Variants in OR11H2 observed in about 807,000 individuals in gnomAD.
The protein encoded by OR11H2 is olfactory receptor family 11 subfamily H member 2, also known as olfactory receptor 11H2.
For synonymous variants in OR11H2, 35 were observed against 135.6 expected, an observed-to-expected ratio of 0.26 and a Z score of 5.15; for missense variants, 82 against 370.0, an observed-to-expected ratio of 0.22 and a Z score of 6.39.
rs1275784128 is a variant in OR11H2, at chr14:19,713,388, G to C, written c.496C>G (p.Leu166Val). 3 of 1,609,964 alleles carry C rather than the reference G, an allele frequency of 1.9e-6. No homozygotes were observed. Among genetic ancestry groups the C allele is most frequent in the Non-Finnish European group, 2.5e-6 (3 of 1,179,750 alleles). Residue 166 changes from leucine to valine, a missense_variant, in exon 1 of 1, where the codon CTC becomes GTC. Transcript: ENST00000556246. ...CCACAGAAGGGCTTCTGAGAGATGA[G>C]AACAATGGGGATCAGGAACCACAGA... The part of the protein sequence containing the change: ...GFLWFLIPIV[L>V]ISQKPFCGPN...
chr14:19,713,290 T>A lies in OR11H2; in HGVS notation c.594A>T (p.Arg198Ser), dbSNP rs1426308287. 6.2e-7 allele frequency: 1 copy of A among 1,611,014 alleles called. No homozygotes were observed. The highest frequency in any genetic ancestry group is 1.1e-5 in the South Asian group (1 of 90,986). ...TTAGAGTGTAGCAAAACAGTTGGAT[T>A]CTTGGGGCAGAAACACAATCCAATG... ...LFALDCVSAP[R>S]IQLFCYTLSS... Residue 198 changes from arginine to serine, a missense_variant, in exon 1 of 1, where the codon AGA becomes AGT. By Grantham distance (110) the Arg-to-Ser change is moderately radical. Transcript: ENST00000556246.
rs181643844 is a variant in OR11H2 at position 19,713,120 on chromosome 14, C to A, written c.764G>T (p.Cys255Phe). The A allele has an allele frequency of 1.8e-4, 262 of 1,478,292 alleles. 14 individuals are homozygous for A. In the African/African-American group the frequency reaches 3.4e-3, roughly 19 times the overall value. 91.6% of individuals were successfully genotyped at this position (1,478,292 alleles called of 1,614,324 possible). A position where few individuals can be genotyped will look rare whatever the true frequency, so the allele number is the denominator to read the frequency against. ...ATACATGACCATAAGAGGGCTATAG[C>A]ACAGTGATACCACAGCCAAATGAGA... ...CGSHLAVVSL[C>F]YSPLMVMYVS... The change falls in exon 1 of 1, where the codon TGC becomes TTC. Residue 255 changes from cysteine (C) to phenylalanine (F), a missense_variant. By Grantham distance (205) the Cys-to-Phe change is radical. Coordinates refer to ENST00000556246, the MANE Select transcript of OR11H2 (RefSeq NM_001197287.2).
rs199753109 is a variant in OR11H2, at chr14:19,713,267, A to G, written c.617T>C (p.Leu206Pro). 2.1e-3 allele frequency: 3,357 copies of G among 1,609,658 alleles called. 1 individual carries two copies. The African/African-American group carries it at 0.031, about 15-fold the overall frequency. ...GTTACCAAAAATAACTAATGAGCTT[A>G]GAGTGTAGCAAAACAGTTGGATTCT... Reference protein sequence around the residue: ...APRIQLFCYTLSSLVIFGNFL... With the variant: ...APRIQLFCYTPSSLVIFGNFL... The change falls in exon 1 of 1, where the codon CTA becomes CCA. Residue 206 changes from leucine (L) to proline (P), a missense_variant. Transcript: ENST00000556246.
Position 19,713,071 on chromosome 14 carries a change from A to G in OR11H2, c.813T>C (p.Ser271=), listed in dbSNP as rs1431225136. The G allele has an allele frequency of 1.3e-6, 2 of 1,534,486 alleles. No homozygotes were observed. The highest frequency in any genetic ancestry group is 4.5e-5 in the East Asian group (2 of 44,030). The part of the protein sequence containing the change: ...VMYVSPGLGH[S]TGMQKIETLF... ...AAGTTTCAATTTTCTGCATCCCTGT[A>G]GAATGTCCGAGTCCTGGGCTCACAT... Residue 271 remains serine, a synonymous_variant, in exon 1 of 1, where the codon TCT becomes TCC. Transcript: ENST00000556246.
In OR11H2 at chr14:19,713,404, G is replaced by C. The variant is rs765130362; in HGVS notation, c.480C>G (p.Phe160Leu). 1.9e-6 allele frequency: 3 copies of C among 1,610,080 alleles called. No individual in the cohort carries two copies. Among genetic ancestry groups the C allele is most frequent in the African/African-American group, 2.7e-5 (2 of 74,064 alleles). ...ILCWVCGFLW[F>L]LIPIVLISQK... ...GAGAGATGAGAACAATGGGGATCAGGAACCACAGAAATCCACAAACCCAGC... is the reference window on the plus strand; with the variant it reads ...GAGAGATGAGAACAATGGGGATCAGCAACCACAGAAATCCACAAACCCAGC... The change falls in exon 1 of 1, where the codon TTC (phenylalanine) becomes TTG (leucine). Residue 160 changes from phenylalanine (F) to leucine (L), a missense_variant. By Grantham distance (22) the Phe-to-Leu change is conservative (BLOSUM62 0). Transcript: ENST00000556246.
rs760175410 is a variant in OR11H2, at chr14:19,713,424, C to T, written c.460G>A (p.Val154Ile). 135 of 1,608,808 alleles carry T rather than the reference C, an allele frequency of 8.4e-5. No individual in the cohort carries two copies. In the African/African-American group the frequency reaches 1.5e-3, roughly 18 times the overall value. ...LYAKLVILCW[V>I]CGFLWFLIPI... ...ATCAGGAACCACAGAAATCCACAAA[C>T]CCAGCACAGTATGACCAGTTTGGCA... The change falls in exon 1 of 1, where the codon GTT becomes ATT. Residue 154 changes from valine to isoleucine, a missense_variant. Physicochemically the swap from Val to Ile is conservative, Grantham distance 29 (BLOSUM62 3). Transcript: ENST00000556246.
In OR11H2 at chr14:19,713,401, C is replaced by A. The variant is rs1379149831; in HGVS notation, c.483G>T (p.Leu161=). The part of the protein sequence containing the change: ...LCWVCGFLWF[L]IPIVLISQKP... ...TCTGAGAGATGAGAACAATGGGGAT[C>A]AGGAACCACAGAAATCCACAAACCC... Residue 161 remains leucine (L), a synonymous_variant, in exon 1 of 1, where the codon CTG becomes CTT. Coordinates refer to ENST00000556246, the MANE Select transcript of OR11H2 (RefSeq NM_001197287.2). The A allele has an allele frequency of 3.1e-6, 5 of 1,610,032 alleles. No individual in the cohort carries two copies. Among genetic ancestry groups the A allele is most frequent in the Non-Finnish European group, 4.2e-6 (5 of 1,179,642 alleles).
chr14:19,713,194 C>CA lies in OR11H2; in HGVS notation c.689dup (p.Leu230PhefsTer11). 6.2e-7 allele frequency: 1 copy of CA among 1,607,806 alleles called. No individual in the cohort carries two copies. The highest frequency in any genetic ancestry group is 8.5e-7 in the Non-Finnish European group (1 of 1,178,616). On this transcript the variant is annotated frameshift_variant, in exon 1 of 1. Coordinates refer to ENST00000556246, the MANE Select transcript of OR11H2 (RefSeq NM_001197287.2). LOFTEE classifies it high-confidence loss of function. ...GTCTCCCAGTGCTTGAAGGCATACC[C>CA]AACACAGCTTTCAGGACAAGAGTAT...
In OR11H2 at chr14:19,713,704, G is replaced by T. The variant is rs1876466986; in HGVS notation, c.180C>A (p.His60Gln). The T allele has an allele frequency of 7.8e-7, 1 of 1,288,018 alleles. No individual in the cohort carries two copies. Among genetic ancestry groups the T allele is most frequent in the South Asian group, 1.3e-5 (1 of 77,042 alleles). The allele number at this position is 1,288,018 out of a possible 1,614,324, so 79.8% of individuals were successfully genotyped here. A position where few individuals can be genotyped will look rare whatever the true frequency, so the allele number is the denominator to read the frequency against. Residue 60 changes from histidine (H) to glutamine (Q), a missense_variant, in exon 1 of 1, where the codon CAC becomes CAA. His to Gln is a conservative substitution (Grantham distance 24, BLOSUM62 0). Coordinates refer to ENST00000556246, the MANE Select transcript of OR11H2 (RefSeq NM_001197287.2). The part of the protein sequence containing the change: ...AFVLWCDRRL[H>Q]TPMYMFLGNF... ...TTCCCAGGAACATGTACATGGGAGT[G>T]TGAAGTCGCCGGTCACACCACAGGA...
Position 19,713,119 on chromosome 14 carries a change from G to A in OR11H2, c.765C>T (p.Cys255=). The A allele has an allele frequency of 6.8e-7, 1 of 1,477,548 alleles. No homozygotes were observed. Among genetic ancestry groups the A allele is most frequent in the Non-Finnish European group, 9.3e-7 (1 of 1,075,652 alleles). 91.5% of individuals were successfully genotyped at this position (1,477,548 alleles called of 1,614,324 possible). Residue 255 remains cysteine (C), a synonymous_variant, in exon 1 of 1, where the codon TGC becomes TGT. Coordinates refer to ENST00000556246, the MANE Select transcript of OR11H2 (RefSeq NM_001197287.2). ...CATACATGACCATAAGAGGGCTATA[G>A]CACAGTGATACCACAGCCAAATGAG... ...CGSHLAVVSL[C]YSPLMVMYVS... is the part of the protein sequence containing the mutation.
rs1876449268 is a variant in OR11H2, at chr14:19,713,370, A to G, written c.514T>C (p.Phe172Leu). 6.2e-7 allele frequency: 1 copy of G among 1,610,300 alleles called. No homozygotes were observed. The highest frequency in any genetic ancestry group is 2.2e-5 in the East Asian group (1 of 44,832). Residue 172 changes from phenylalanine (F) to leucine (L), a missense_variant, in exon 1 of 1, where the codon TTC becomes CTC. Phe to Leu is a conservative substitution (Grantham distance 22, BLOSUM62 0). Transcript: ENST00000556246. ...IPIVLISQKPFCGPNIIDHVV... is the reference protein window; with the variant it reads ...IPIVLISQKPLCGPNIIDHVV... ...TGGTCAATAATGTTTGGGCCACAGAAGGGCTTCTGAGAGATGAGAACAATG... is the reference window on the plus strand; with the variant it reads ...TGGTCAATAATGTTTGGGCCACAGAGGGGCTTCTGAGAGATGAGAACAATG...
rs1347879063 is a variant in OR11H2 at position 19,713,124 on chromosome 14, G to T, written c.760C>A (p.Leu254Met). 1 of 1,485,430 alleles carries T rather than the reference G, an allele frequency of 6.7e-7. No individual in the cohort carries two copies. Among genetic ancestry groups the T allele is most frequent in the East Asian group, 2.3e-5 (1 of 43,856 alleles). 92.0% of individuals were successfully genotyped at this position (1,485,430 alleles called of 1,614,324 possible). A position where few individuals can be genotyped will look rare whatever the true frequency, so the allele number is the denominator to read the frequency against. The change falls in exon 1 of 1, where the codon CTG (leucine) becomes ATG (methionine). Residue 254 changes from leucine (L) to methionine (M), a missense_variant. Coordinates refer to ENST00000556246, the MANE Select transcript of OR11H2 (RefSeq NM_001197287.2). Reference protein sequence around the residue: ...TCGSHLAVVSLCYSPLMVMYV... With the variant: ...TCGSHLAVVSMCYSPLMVMYV... ...ATGACCATAAGAGGGCTATAGCACA[G>T]TGATACCACAGCCAAATGAGACCCA...
In OR11H2 at chr14:19,713,408, C is replaced by G; in HGVS notation, c.476G>C (p.Trp159Ser). ...VILCWVCGFL[W>S]FLIPIVLISQ... ...GATGAGAACAATGGGGATCAGGAAC[C>G]ACAGAAATCCACAAACCCAGCACAG... The change falls in exon 1 of 1, where the codon TGG becomes TCG. Residue 159 changes from tryptophan to serine, a missense_variant. Coordinates refer to ENST00000556246, the MANE Select transcript of OR11H2 (RefSeq NM_001197287.2). 1.2e-6 allele frequency: 2 copies of G among 1,609,840 alleles called. No individual in the cohort carries two copies. The highest frequency in any genetic ancestry group is 2.2e-5 in the South Asian group (2 of 90,928).
Position 19,713,778 on chromosome 14 carries a change from T to C in OR11H2, c.106A>G (p.Thr36Ala). The C allele has an allele frequency of 3.8e-6, 4 of 1,046,192 alleles. No individual in the cohort carries two copies. Among genetic ancestry groups the C allele is most frequent in the Non-Finnish European group, 5.5e-6 (4 of 733,338 alleles). 64.8% of individuals were successfully genotyped at this position (1,046,192 alleles called of 1,614,324 possible). The stretch of plus-strand genomic sequence containing the variant: ...GTTATAGTCAGTGCATATATTGTAG[T>C]AAAGAGTGAGAAGAGGAAGATCTGA... ...TIQIFLFSLF[T>A]TIYALTITGN... Residue 36 changes from threonine to alanine, a missense_variant, in exon 1 of 1, where the codon ACT becomes GCT. By Grantham distance (58) the Thr-to-Ala change is moderately conservative. Transcript: ENST00000556246.
Sources: gnomAD v4.1 joint callset for allele counts on GRCh38, gnomAD v4.1.1 for gene constraint, MANE v1.5 for transcripts, NCBI Gene and HGNC (gene_info 2026-07-23, HGNC 2026-07-21) for gene names.